The following HS6ST3 variants were observed in gnomAD, a reference collection of about 807,000 sequenced individuals.
HS6ST3 encodes the protein heparan-sulfate 6-O-sulfotransferase 3.
In HS6ST3, 12 loss-of-function variants were observed where a neutral mutation model predicts 36.7. The ratio of observed to expected loss-of-function variants is 0.33; its 90% CI spans 0.21 to 0.53. The LOEUF is 0.53. Ranked by LOEUF, HS6ST3 falls within the 20% of genes least tolerant of loss-of-function variation. The probability of loss-of-function intolerance (pLI) is 0.95; values close to 1 mark genes in which losing one functional copy is unlikely to be tolerated. For missense variants in HS6ST3, 584 were observed against 640.9 expected, an observed-to-expected ratio of 0.91 and a Z score of 0.96; for synonymous variants, 240 against 257.5, an observed-to-expected ratio of 0.93 and a Z score of 0.65.
At chr13:96,239,675 A>T (rs1383282477) in intron 1 of HS6ST3, among the ~76,000 whole-genome samples, 2 of 152,240 alleles carry the variant, frequency 1.3e-5, no homozygotes. Context: ...ATATTATCAC[A>T]CAAAGAGTTT....
chr13:96,522,748 A>G (rs1474931106), intron 1 of HS6ST3, among the ~76,000 whole-genome samples: 1 of 151,924 alleles, frequency 6.6e-6, no homozygotes, highest in Non-Finnish European at 1.5e-5. Context: ...TGTTGAGCCT[A>G]TGTGTGTCTT....
chr13:96,529,876 T>A (rs2056128825), intron 1 of HS6ST3, among the ~76,000 whole-genome samples: 1 of 152,214 alleles, frequency 6.6e-6, no homozygotes, highest in South Asian at 2.1e-4. Flanking sequence ...TACTCATTTC[T>A]CCTCTCCATT....
At chr13:96,748,601 A>G (rs1876620780) in intron 1 of HS6ST3, among the ~76,000 whole-genome samples, 1 of 152,066 alleles carries the variant, frequency 6.6e-6, no homozygotes, top group South Asian at 2.1e-4. Context: ...CTCCTTGTAT[A>G]CTTTTCCATA....
chr13:96,250,126 T>G (rs573456316), intron 1 of HS6ST3, among the ~76,000 whole-genome samples: 3 of 152,186 alleles, frequency 2.0e-5, no homozygotes, highest in African/African-American at 7.2e-5. Flanking sequence ...ATAAATGATT[T>G]AAAAATTCTA....
At chr13:96,687,807 GAC>G (rs1417611764) in intron 1 of HS6ST3, among the ~76,000 whole-genome samples, 1 of 151,964 alleles carries the variant, frequency 6.6e-6, no homozygotes, top group African/African-American at 2.4e-5. Flanking sequence ...AAGCCAATAA[GAC>G]AGAATGACTG....
intron 1 of HS6ST3, among the ~76,000 whole-genome samples, chr13:96,133,054 T>C (rs2053983763): frequency 6.6e-6 from 1 of 152,160 alleles, no homozygotes; most frequent in Non-Finnish European, 1.5e-5. Context: ...TTCTCAAATA[T>C]TTTCTCCCAT....
At chr13:96,283,033 A>C (rs1339154319) in intron 1 of HS6ST3, among the ~76,000 whole-genome samples, 1 of 152,312 alleles carries the variant, frequency 6.6e-6, no homozygotes, top group East Asian at 1.9e-4. Context: ...CCTGGCTGAC[A>C]TCTCTTGAAT....
chr13:96,288,395 T>C (rs2054813921), intron 1 of HS6ST3, among the ~76,000 whole-genome samples: 1 of 152,136 alleles, frequency 6.6e-6, no homozygotes, highest in African/African-American at 2.4e-5. Context: ...TGGACTAGAT[T>C]ACTCAAAATG....
At chr13:96,172,490 A>G (rs759339711) in intron 1 of HS6ST3, among the ~76,000 whole-genome samples, 1 of 152,196 alleles carries the variant, frequency 6.6e-6, no homozygotes, top group African/African-American at 2.4e-5. Context: ...CTTTCCTGTT[A>G]CTTACTCTGA....
chr13:96,671,210 T>C (rs376251374), intron 1 of HS6ST3, among the ~76,000 whole-genome samples: 1 of 152,148 alleles, frequency 6.6e-6, no homozygotes, highest in South Asian at 2.1e-4. Context: ...CCAAGTGTCA[T>C]CAGAGCTTTG....
chr13:96,576,462 T>C (rs1455114943), intron 1 of HS6ST3, among the ~76,000 whole-genome samples: 4 of 152,114 alleles, frequency 2.6e-5, no homozygotes, highest in Non-Finnish European at 5.9e-5. Context: ...CACCTCCAAT[T>C]TGAAGAATTA....
At chr13:96,203,587 C>G (rs1273964318) in intron 1 of HS6ST3, among the ~76,000 whole-genome samples, 1 of 152,174 alleles carries the variant, frequency 6.6e-6, no homozygotes, top group Non-Finnish European at 1.5e-5. Flanking sequence ...TGTCTTCTTT[C>G]AACATTTCCA....
chr13:96,096,755 GT>G (rs1566880973), intron 1 of HS6ST3, among the ~76,000 whole-genome samples: 2 of 152,132 alleles, frequency 1.3e-5, no homozygotes, highest in Non-Finnish European at 2.9e-5. Context: ...ACATTGTCTG[GT>G]TATTGCTTTT....
intron 1 of HS6ST3, among the ~76,000 whole-genome samples, chr13:96,234,759 G>A (rs911895021): frequency 5.9e-5 from 9 of 152,072 alleles, no homozygotes; most frequent in Admixed American, 4.6e-4. Flanking sequence ...ATGAGTTTTG[G>A]GTGGGGACAC....
intron 1 of HS6ST3, among the ~76,000 whole-genome samples, chr13:96,128,149 A>G (rs1205124412): frequency 6.6e-6 from 1 of 152,242 alleles, no homozygotes; most frequent in Non-Finnish European, 1.5e-5. Context: ...ATGGAAATTT[A>G]AAACCCTTAT....
intron 1 of HS6ST3, among the ~76,000 whole-genome samples, chr13:96,465,253 TC>T (rs2055806476): frequency 6.6e-6 from 1 of 152,100 alleles, no homozygotes; most frequent in Non-Finnish European, 1.5e-5. Context: ...CTAAGTGGAA[TC>T]CCCAGAGAAC....
chr13:96,799,980 A>ATATGTATATATATATGTG lies in HS6ST3; in HGVS notation c.708-32509_708-32508insATGTATATATATATGTGT, dbSNP rs1555325253. Among the ~76,000 whole-genome samples the ATATGTATATATATATGTG allele has an allele frequency of 2.6e-5, 2 of 76,632 alleles. 1 individual carries two copies. The highest frequency in any genetic ancestry group is 1.5e-4 in the African/African-American group (2 of 13,734). 50.3% of individuals were successfully genotyped at this position (76,632 alleles called of 152,430 possible). On this transcript the variant is annotated intron_variant, in intron 1 of 1. Coordinates refer to ENST00000376705, the MANE Select transcript of HS6ST3 (RefSeq NM_153456.4). ...TATATATATGTGTATATATATATAT[A>ATATGTATATATATATGTG]TGTATATATATATATATGTATATAT...
chr13:96,527,752 A>C (rs2056119831), intron 1 of HS6ST3, among the ~76,000 whole-genome samples: 1 of 152,178 alleles, frequency 6.6e-6, no homozygotes, highest in Non-Finnish European at 1.5e-5. Flanking sequence ...TGTGTTAAAA[A>C]AAGTGTTTGT....
intron 1 of HS6ST3, among the ~76,000 whole-genome samples, chr13:96,649,139 G>T (rs2139011398): frequency 6.6e-6 from 1 of 152,002 alleles, no homozygotes; most frequent in Admixed American, 6.6e-5. Flanking sequence ...ATAATAGTCT[G>T]CTCTCACAGT....
Sources: gnomAD v4.1 joint callset for allele counts (sites outside exome capture counted in the v4.1 genomes callset) on GRCh38, gnomAD v4.1.1 for gene constraint, MANE v1.5 for transcripts, NCBI Gene and HGNC (gene_info 2026-07-23, HGNC 2026-07-21) for gene names.